The following COX7A2L variants were observed in gnomAD, a reference collection of about 807,000 sequenced individuals.
COX7A2L encodes the protein cytochrome c oxidase subunit 7A2 like.
Under a neutral mutation model 14.2 loss-of-function variants are expected in COX7A2L, and 18 were observed. The ratio of observed to expected loss-of-function variants is 1.27; its 90% CI spans 0.88 to 1.88. The LOEUF (loss-of-function observed/expected upper bound fraction) is 1.88. Ranked by LOEUF, COX7A2L falls within the 40% of genes most tolerant of loss-of-function variation. The pLI, the probability that COX7A2L is intolerant of heterozygous loss-of-function variation, is 0.00. For missense variants in COX7A2L, 179 were observed against 138.8 expected, an observed-to-expected ratio of 1.29 and a Z score of -1.46; for synonymous variants, 65 against 57.4, an observed-to-expected ratio of 1.13 and a Z score of -0.60.
At chr2:42,366,710 A>G (rs80210883) in intron 1 of COX7A2L, among the ~76,000 whole-genome samples, 1 of 152,228 alleles carries the variant, frequency 6.6e-6, no homozygotes, top group Non-Finnish European at 1.5e-5. Context: ...TTAATTTAGC[A>G]TGATGTAAAG....
At chr2:42,359,363 C>A (rs988240837) in intron 1 of COX7A2L, 33 of 152,182 alleles carry the variant, frequency 2.2e-4, no homozygotes, top group African/African-American at 8.0e-4. Context: ...AGGGAACTTC[C>A]TGGGATGATG....
chr2:42,354,148 T>C (rs1376827180), intron 1 of COX7A2L, among the ~76,000 whole-genome samples: 2 of 152,318 alleles, frequency 1.3e-5, no homozygotes, highest in East Asian at 3.9e-4. Context: ...ATTAAAAAAA[T>C]GCTCTAAAAT....
At chr2:42,351,476 G>C in intron 2 of COX7A2L, 117 bp from the exon 3 acceptor site, 1 of 1,163,670 alleles carries the variant, frequency 8.6e-7, no homozygotes, top group Non-Finnish European at 1.2e-6. Context: ...ATGACAGTGG[G>C]AAAAGCACTA....
intron 1 of COX7A2L, among the ~76,000 whole-genome samples, chr2:42,366,956 G>A (rs1178405016): frequency 2.6e-5 from 4 of 152,192 alleles, no homozygotes; most frequent in Non-Finnish European, 5.9e-5. Context: ...TAAGGAATCT[G>A]TATAAAGCTT....
chr2:42,340,226 G>A (rs1034325400), intron 2 of COX7A2L, among the ~76,000 whole-genome samples: 1 of 152,036 alleles, frequency 6.6e-6, no homozygotes, highest in Non-Finnish European at 1.5e-5. Flanking sequence ...CATCCTGGGG[G>A]TACCCCAGAG....
Position 42,353,347 on chromosome 2 carries a change from T to C in COX7A2L, c.73-4A>G. 1 of 1,611,648 alleles carries C rather than the reference T, an allele frequency of 6.2e-7. No homozygotes were observed. Among genetic ancestry groups the C allele is most frequent in the Non-Finnish European group, 8.5e-7 (1 of 1,179,442 alleles). ...TGGAAACCACAGGCTTTAATCCCTG[T>C]AGAGAAAAAAAGGAAAATGGCAAGT... On this transcript the variant is annotated splice_polypyrimidine_tract_variant and splice_region_variant and intron_variant, in intron 1 of 2. Coordinates refer to ENST00000234301, the MANE Select transcript of COX7A2L (RefSeq NM_004718.4).
intron 1 of COX7A2L, among the ~76,000 whole-genome samples, chr2:42,358,743 G>A (rs1336249293): frequency 1.3e-5 from 2 of 152,176 alleles, no homozygotes; most frequent in African/African-American, 2.4e-5. Context: ...AATCTCTGCT[G>A]AGCGCCCATT....
chr2:42,343,975 T>C (rs1670448510), intron 2 of COX7A2L, among the ~76,000 whole-genome samples: 1 of 152,176 alleles, frequency 6.6e-6, no homozygotes, highest in South Asian at 2.1e-4. Context: ...AGTCAGACCC[T>C]GAAAGGGAAT....
chr2:42,353,244 T>C lies in COX7A2L; in HGVS notation c.172A>G (p.Asn58Asp), dbSNP rs535404903. The C allele has an allele frequency of 5.6e-6, 9 of 1,614,176 alleles. No individual in the cohort carries two copies. In the African/African-American group the frequency reaches 6.7e-5, roughly 12 times the overall value. The change falls in exon 2 of 3, where the codon AAC becomes GAC. Residue 58 changes from asparagine to aspartate, a missense_variant. By Grantham distance (23) the Asn-to-Asp change is conservative. Transcript: ENST00000234301. ...AACTTTTGTAGCTCTGGAACTTTGTTTTTCCCAGCATAATCATACACTGTG... is the reference window on the plus strand; with the variant it reads ...AACTTTTGTAGCTCTGGAACTTTGTCTTTCCCAGCATAATCATACACTGTG... ...DSTVYDYAGK[N>D]KVPELQKFFQ... is the part of the protein sequence containing the mutation.
intron 1 of COX7A2L, chr2:42,359,539 C>T (rs1256328187): frequency 6.6e-6 from 1 of 152,230 alleles, no homozygotes; most frequent in Non-Finnish European, 1.5e-5. Flanking sequence ...TGCAACACTG[C>T]TGACTATTCC....
chr2:42,360,932 C>T (rs1220543081), intron 1 of COX7A2L, 158 bp downstream of exon 1: 4 of 734,072 alleles, frequency 5.4e-6, no homozygotes, highest in African/African-American at 3.5e-5. Context: ...TCAGTGACCA[C>T]CGTACGCTGG....
chr2:42,361,050 G>C (rs745999909), intron 1 of COX7A2L, 40 bp downstream of exon 1: 7 of 1,606,196 alleles, frequency 4.4e-6, no homozygotes, highest in Non-Finnish European at 3.4e-6. Context: ...GGCTAGGGCC[G>C]CCACTTCTCA....
upstream of COX7A2L, among the ~76,000 whole-genome samples, chr2:42,364,420 G>A (rs949268882): frequency 1.3e-5 from 2 of 152,098 alleles, no homozygotes; most frequent in Non-Finnish European, 2.9e-5. Context: ...TTATAGTGAA[G>A]TGTTACCTTT....
chr2:42,360,685 A>C (rs140999519), intron 1 of COX7A2L, among the ~76,000 whole-genome samples: 1 of 146,028 alleles, frequency 6.8e-6, no homozygotes, highest in East Asian at 2.1e-4. Context: ...TCTCGAGCTC[A>C]AGTGAGGCTG....
rs982567617 is a variant in COX7A2L, at chr2:42,350,229, G to A, written c.*990C>T. On this transcript the variant is annotated 3_prime_UTR_variant, in exon 3 of 3. Coordinates refer to ENST00000234301, the MANE Select transcript of COX7A2L (RefSeq NM_004718.4). ...TTTTCAAAATTAATATAGGGTAAGTGAAGTCTACCAATCATGACAGCAAAG... is the reference window on the plus strand; with the variant it reads ...TTTTCAAAATTAATATAGGGTAAGTAAAGTCTACCAATCATGACAGCAAAG... The A allele has an allele frequency of 6.6e-6, 1 of 152,138 alleles. No homozygotes were observed. The highest frequency in any genetic ancestry group is 1.5e-5 in the Non-Finnish European group (1 of 68,014). 9.4% of individuals were successfully genotyped at this position (152,138 alleles called of 1,614,324 possible).
chr2:42,345,473 C>CAA (rs966713956), downstream of COX7A2L, among the ~76,000 whole-genome samples: 1 of 144,920 alleles, frequency 6.9e-6, no homozygotes. Context: ...CTCTAAATTG[C>CAA]AAAAAAAAAA....
rs1244168636 is a variant in COX7A2L at position 42,342,956 on chromosome 2, G to A, written c.193-9087C>T. Among the ~76,000 whole-genome samples the A allele has an allele frequency of 6.6e-6, 1 of 152,124 alleles. No individual in the cohort carries two copies. The highest frequency in any genetic ancestry group is 2.4e-5 in the African/African-American group (1 of 41,416). On this transcript the variant is annotated intron_variant, in intron 2 of 2. Transcript: ENST00000468711. This position sits in a 1 kb window ranked among gnomAD's most constrained non-coding sequence, Gnocchi z 4.9. ...TGGAGCCACAGAGGTCAGGAGGCCT[G>A]ATTCCAGCTTATGCAAGTGACAGTG...
chr2:42,358,689 C>G (rs573979688), intron 1 of COX7A2L, among the ~76,000 whole-genome samples: 5 of 152,194 alleles, frequency 3.3e-5, no homozygotes, highest in African/African-American at 1.2e-4. Context: ...AGGAGAGGTA[C>G]TAGAAATCTG....
In COX7A2L at chr2:42,353,256, A is replaced by C; in HGVS notation, c.160T>G (p.Tyr54Asp). 2.5e-6 allele frequency: 4 copies of C among 1,614,144 alleles called. No homozygotes were observed. Among genetic ancestry groups the C allele is most frequent in the Non-Finnish European group, 3.4e-6 (4 of 1,180,020 alleles). The change falls in exon 2 of 3, where the codon TAT becomes GAT. Residue 54 changes from tyrosine to aspartate, a missense_variant. Transcript: ENST00000234301. ...KLTSDSTVYDYAGKNKVPELQ... is the reference protein window; with the variant it reads ...KLTSDSTVYDDAGKNKVPELQ... ...TCTGGAACTTTGTTTTTCCCAGCAT[A>C]ATCATACACTGTGGAATCGGAGGTC...
Sources: gnomAD v4.1 joint callset for allele counts (sites outside exome capture counted in the v4.1 genomes callset) on GRCh38, gnomAD v4.1.1 for gene constraint, Gnocchi (gnomAD v3.1) non-coding constraint, MANE v1.5 for transcripts, NCBI Gene and HGNC (gene_info 2026-07-23, HGNC 2026-07-21) for gene names.